Variants in CHSY3 observed in about 807,000 individuals in gnomAD.
CHSY3 encodes the protein chondroitin sulfate synthase 3, also known as N-acetylgalactosaminyl-proteoglycan 3-beta-glucuronosyltransferase 3.
Under a neutral mutation model 67.2 loss-of-function variants are expected in CHSY3, and 35 were observed. That is an observed-to-expected ratio of 0.52 (90% CI 0.40 to 0.69). The LOEUF is 0.69. Ranked by LOEUF, CHSY3 falls within the 30% of genes least tolerant of loss-of-function variation. The pLI, the probability that CHSY3 is intolerant of heterozygous loss-of-function variation, is 0.00. For missense variants in CHSY3, 1,069 were observed against 1,138.5 expected (o/e 0.94, Z 0.88); for synonymous variants, 474 against 434.7 (o/e 1.09, Z -1.12).
chr5:129,961,845 T>A (rs190204996), intron 2 of CHSY3, among the ~76,000 whole-genome samples: 7 of 152,110 alleles, frequency 4.6e-5, no homozygotes, highest in African/African-American at 1.7e-4. Context: ...CAATAACTAT[T>A]TCAGATCTTC....
intron 2 of CHSY3, chr5:130,140,389 G>A: frequency 1.5e-6 from 1 of 671,122 alleles, no homozygotes; most frequent in East Asian, 2.8e-5. Flanking sequence ...GTTTTTTATG[G>A]TTCTGATAAA....
chr5:129,915,281 A>G (rs1394070941), intron 2 of CHSY3, among the ~76,000 whole-genome samples: 2 of 152,192 alleles, frequency 1.3e-5, no homozygotes, highest in Admixed American at 6.6e-5. Flanking sequence ...AAGCCTAAGT[A>G]AACTGAAAAA....
intron 2 of CHSY3, among the ~76,000 whole-genome samples, chr5:130,179,930 G>A (rs1018166506): frequency 2.6e-5 from 4 of 152,112 alleles, no homozygotes; most frequent in African/African-American, 9.7e-5. Context: ...CAGATTAAAC[G>A]TGCTTCATGA....
chr5:130,067,587 C>A (rs1009374800), intron 2 of CHSY3, among the ~76,000 whole-genome samples: 8 of 152,050 alleles, frequency 5.3e-5, no homozygotes, highest in Non-Finnish European at 1.0e-4. Flanking sequence ...CACCTCTGTA[C>A]TCTATGGTAT....
intron 2 of CHSY3, among the ~76,000 whole-genome samples, chr5:130,107,409 T>C (rs916466342): frequency 2.6e-5 from 4 of 151,306 alleles, no homozygotes; most frequent in African/African-American, 9.7e-5. Context: ...CTGAGTCTCT[T>C]TTACTGAATA....
intron 1 of CHSY3, 194 bp downstream of exon 1, chr5:129,905,825 C>T (rs550060103): frequency 1.6e-6 from 2 of 1,219,254 alleles, no homozygotes; most frequent in East Asian, 5.3e-5. Flanking sequence ...CTTCTGCAAT[C>T]TGGACCCTCC....
At chr5:129,995,150 C>T (rs1179504470) in intron 2 of CHSY3, among the ~76,000 whole-genome samples, 1 of 152,054 alleles carries the variant, frequency 6.6e-6, no homozygotes, top group African/African-American at 2.4e-5. Flanking sequence ...GTGTAGAGGT[C>T]TCCCATTATG....
intron 2 of CHSY3, among the ~76,000 whole-genome samples, chr5:130,083,155 T>G (rs1053205611): frequency 3.9e-5 from 6 of 152,066 alleles, no homozygotes; most frequent in Admixed American, 2.6e-4. Flanking sequence ...ACCTGAACTT[T>G]TTTTCTTTCC....
At chr5:130,085,064 C>A (rs1184017476) in intron 2 of CHSY3, among the ~76,000 whole-genome samples, 1 of 151,932 alleles carries the variant, frequency 6.6e-6, no homozygotes, top group Non-Finnish European at 1.5e-5. Flanking sequence ...GCATATCCTA[C>A]CTCCACTTCT....
chr5:130,122,994 T>G (rs1768100718), intron 2 of CHSY3, among the ~76,000 whole-genome samples: 1 of 152,116 alleles, frequency 6.6e-6, no homozygotes, highest in African/African-American at 2.4e-5. Flanking sequence ...CATTTTATAT[T>G]CTTGAAACAA....
Position 129,904,967 on chromosome 5 carries a change from C to G in CHSY3, c.138C>G (p.Ser46=). 6.4e-7 allele frequency: 1 copy of G among 1,565,990 alleles called. No homozygotes were observed. ...ERKRRGSSLC[S]YYGRSAAGPR... Reference sequence around the variant, plus strand: ...AGAGACGTGGCTCCAGCCTCTGCTCCTACTACGGTCGCTCTGCTGCTGGCC... The same window carrying G: ...AGAGACGTGGCTCCAGCCTCTGCTCGTACTACGGTCGCTCTGCTGCTGGCC... The change falls in exon 1 of 3, where the codon TCC becomes TCG. Residue 46 remains serine (S), a synonymous_variant. Coordinates refer to ENST00000305031, the MANE Select transcript of CHSY3 (RefSeq NM_175856.5).
intron 2 of CHSY3, among the ~76,000 whole-genome samples, chr5:129,984,461 G>A (rs1336515144): frequency 6.6e-6 from 1 of 151,970 alleles, no homozygotes; most frequent in Non-Finnish European, 1.5e-5. Context: ...CCACATCTTT[G>A]CAACAGTCAG....
chr5:130,173,995 G>C (rs962030205), intron 2 of CHSY3, among the ~76,000 whole-genome samples: 1 of 151,876 alleles, frequency 6.6e-6, no homozygotes, highest in Admixed American at 6.6e-5. Context: ...ATAAAGGAAA[G>C]ATTATTAGTC....
intron 2 of CHSY3, among the ~76,000 whole-genome samples, chr5:130,022,794 A>G (rs1764431142): frequency 6.6e-6 from 1 of 151,976 alleles, no homozygotes; most frequent in Non-Finnish European, 1.5e-5. Flanking sequence ...AATTAATGGT[A>G]TATGTACCTT....
chr5:130,098,313 A>C (rs1017704191), intron 2 of CHSY3, among the ~76,000 whole-genome samples: 1 of 152,184 alleles, frequency 6.6e-6, no homozygotes, highest in African/African-American at 2.4e-5. Context: ...TCAGAGAGGA[A>C]CAGTCTTTCT....
chr5:130,028,175 C>A (rs1043976727), intron 2 of CHSY3, among the ~76,000 whole-genome samples: 5 of 152,096 alleles, frequency 3.3e-5, no homozygotes, highest in Non-Finnish European at 7.4e-5. Flanking sequence ...CTTTAAAGTT[C>A]ATATGGAACC....
intron 2 of CHSY3, among the ~76,000 whole-genome samples, chr5:130,024,152 A>AAAAAAAAAAAAAAAG (rs386404969): frequency 2.0e-5 from 3 of 150,720 alleles, no homozygotes; most frequent in African/African-American, 7.4e-5. Flanking sequence ...AAAAAAAAAA[A>AAAAAAAAAAAAAAAG]AAGCCTGTCT....
chr5:130,086,127 C>T (rs1269851475), intron 2 of CHSY3, among the ~76,000 whole-genome samples: 18 of 151,860 alleles, frequency 1.2e-4, no homozygotes, highest in South Asian at 6.2e-4. Context: ...CTATTAGGTC[C>T]GCTTGGTGCA....
intron 2 of CHSY3, among the ~76,000 whole-genome samples, chr5:130,158,551 G>T (rs1414868839): frequency 1.3e-5 from 2 of 152,066 alleles, no homozygotes; most frequent in African/African-American, 4.8e-5. Context: ...ATCAAATGTG[G>T]GTCTAGACAA....
Sources: allele counts gnomAD v4.1 joint callset (sites outside exome capture counted in the v4.1 genomes callset), GRCh38; gene constraint gnomAD v4.1.1; transcripts MANE v1.5; gene names NCBI Gene and HGNC (gene_info 2026-07-23, HGNC 2026-07-21).